The following DCDC1 variants were observed in gnomAD, a reference collection of about 807,000 sequenced individuals.
DCDC1 encodes doublecortin domain-containing protein 1.
A neutral mutation model predicts 178.3 loss-of-function variants in DCDC1; 200 were observed. The observed-to-expected ratio is 1.12, with a 90% CI of 1.00 to 1.26. The LOEUF is 1.26. DCDC1 is among the 50% of genes most tolerant of loss of function. The pLI is 0.00. For synonymous variants in DCDC1, 690 were observed against 604.8 expected (o/e 1.14, Z -2.07); for missense variants, 1,983 against 1,749.2 (o/e 1.13, Z -2.38).
intron 9 of DCDC1, among the ~76,000 whole-genome samples, chr11:31,241,038 T>C (rs1478469318): frequency 6.6e-6 from 1 of 152,004 alleles, no homozygotes; most frequent in African/African-American, 2.4e-5. Flanking sequence ...CACGATTTCA[T>C]TTTTCAGAAT....
intron 20 of DCDC1, among the ~76,000 whole-genome samples, chr11:31,062,235 C>T (rs867476099): frequency 6.6e-6 from 1 of 152,100 alleles, no homozygotes; most frequent in African/African-American, 2.4e-5. Flanking sequence ...TAATGACAAG[C>T]GCCAGCTTTC....
chr11:31,235,049 C>T (rs1430586916), intron 9 of DCDC1, among the ~76,000 whole-genome samples: 2 of 152,098 alleles, frequency 1.3e-5, no homozygotes, highest in Non-Finnish European at 2.9e-5. Flanking sequence ...TGCAATATTT[C>T]TACCCAATAT....
rs1360682829 is a variant in DCDC1 at position 30,982,456 on chromosome 11, ACACTC to A, written c.2592-29893_2592-29889del. 7.9e-3 allele frequency among the ~76,000 whole-genome samples: 1,197 copies of A among 152,280 alleles called. 7 individuals are homozygous for A. The highest frequency in any genetic ancestry group is 0.018 in the South Asian group (86 of 4,816). On this transcript the variant is annotated intron_variant, in intron 20 of 38. Transcript: ENST00000684477. ...AGCATTTGTTTCAAAATTAATAGCA[ACACTC>A]TTTTGTTTCATTTTATGTAGCATTA...
intron 36 of DCDC1, among the ~76,000 whole-genome samples, chr11:30,885,512 A>G (rs1399916306): frequency 6.6e-6 from 1 of 152,066 alleles, no homozygotes; most frequent in East Asian, 1.9e-4. Flanking sequence ...AAATATATAT[A>G]ATAGAAAAAC....
chr11:31,273,417 A>T (rs1945730945), intron 7 of DCDC1, among the ~76,000 whole-genome samples: 1 of 152,164 alleles, frequency 6.6e-6, no homozygotes, highest in Admixed American at 6.5e-5. Context: ...AAAGTTCCAC[A>T]AATCTCTAGG....
At chr11:31,173,450 A>G (rs1350690089) in intron 9 of DCDC1, among the ~76,000 whole-genome samples, 3 of 152,208 alleles carry the variant, frequency 2.0e-5, no homozygotes, top group Non-Finnish European at 2.9e-5. Context: ...GTTCTCCAAC[A>G]CTTATTTCAG....
chr11:31,031,168 T>C (rs1040990185), intron 20 of DCDC1, among the ~76,000 whole-genome samples: 1 of 152,212 alleles, frequency 6.6e-6, no homozygotes, highest in Non-Finnish European at 1.5e-5. Flanking sequence ...AAGGATTACA[T>C]GAAAGGCTTA....
intron 18 of DCDC1, among the ~76,000 whole-genome samples, chr11:31,073,808 C>T (rs1333368355): frequency 6.6e-6 from 1 of 152,136 alleles, no homozygotes; most frequent in Non-Finnish European, 1.5e-5. Context: ...ATAGTTTGGG[C>T]TGGGTTAATA....
chr11:30,990,237 C>G (rs1950899009), intron 20 of DCDC1, among the ~76,000 whole-genome samples: 1 of 151,994 alleles, frequency 6.6e-6, no homozygotes, highest in Non-Finnish European at 1.5e-5. Context: ...CATTTGGTAC[C>G]TTAAGAGAGA....
chr11:31,001,567 C>A (rs113395337), intron 20 of DCDC1, among the ~76,000 whole-genome samples: 3,281 of 152,264 alleles, frequency 0.022, 56 homozygotes, highest in Non-Finnish European at 0.033. Context: ...CTCCACTCAA[C>A]AAGCAGGTAG....
Position 31,098,597 on chromosome 11 carries a change from C to T in DCDC1, c.1983+3580G>A, listed in dbSNP as rs527427740. Among the ~76,000 whole-genome samples, 25 of 152,284 alleles carry T rather than the reference C, an allele frequency of 1.6e-4. 1 individual carries two copies. The South Asian group carries it at 4.8e-3, about 29-fold the overall frequency. On this transcript the variant is annotated intron_variant, in intron 15 of 38. Coordinates refer to ENST00000684477, the MANE Select transcript of DCDC1 (RefSeq NM_001387274.1). ...ATGCATCAAGAATATCGGCTTTTGC[C>T]TCCCTTCTCTCAACCCCTGTTGTAA...
intron 9 of DCDC1, among the ~76,000 whole-genome samples, chr11:31,228,888 G>T (rs774553018): frequency 2.0e-5 from 3 of 151,958 alleles, no homozygotes; most frequent in Non-Finnish European, 2.9e-5. Context: ...ATAGGAACAT[G>T]GAGGAATACT....
intron 12 of DCDC1, among the ~76,000 whole-genome samples, chr11:31,108,673 G>C (rs1221502798): frequency 6.6e-6 from 1 of 152,180 alleles, no homozygotes; most frequent in Non-Finnish European, 1.5e-5. Context: ...ACTTTCACAG[G>C]AGTTGCATTG....
Position 30,899,577 on chromosome 11 carries a change from G to C in DCDC1, c.4729C>G (p.Leu1577Val), listed in dbSNP as rs370461790. 41 of 1,586,832 alleles carry C rather than the reference G, an allele frequency of 2.6e-5. No homozygotes were observed. The African/African-American group carries it at 4.8e-4, about 19-fold the overall frequency. Residue 1577 changes from leucine to valine, a missense_variant, in exon 34 of 39, where the codon CTA (leucine) becomes GTA (valine). Coordinates refer to ENST00000684477, the MANE Select transcript of DCDC1 (RefSeq NM_001387274.1). ...CTCATTTTGTGTCTCATGGTATCTAGATCAGCCAAAATTCTGTCCTTTTTT... is the reference window on the plus strand; with the variant it reads ...CTCATTTTGTGTCTCATGGTATCTACATCAGCCAAAATTCTGTCCTTTTTT... ...WLKKDRILAD[L>V]DTMRHKMRQL...
At chr11:31,025,248 C>T (rs914617846) in intron 20 of DCDC1, among the ~76,000 whole-genome samples, 2 of 151,450 alleles carry the variant, frequency 1.3e-5, no homozygotes, top group Non-Finnish European at 3.0e-5. Context: ...ATAACCTTTC[C>T]CAAAACAGAG....
intron 14 of DCDC1, 85 bp from the exon 15 acceptor site, chr11:31,102,367 CT>C: frequency 1.9e-6 from 1 of 534,330 alleles, no homozygotes; most frequent in South Asian, 2.8e-5. Flanking sequence ...TTATAATACT[CT>C]TTATGCTTTA....
At chr11:30,988,816 G>A (rs1273437358) in intron 20 of DCDC1, among the ~76,000 whole-genome samples, 1 of 152,208 alleles carries the variant, frequency 6.6e-6, no homozygotes, top group Non-Finnish European at 1.5e-5. Context: ...TGGCCCATGG[G>A]CCATGGGTTG....
intron 3 of DCDC1, among the ~76,000 whole-genome samples, chr11:31,311,268 G>A (rs1027819313): frequency 1.1e-4 from 17 of 152,066 alleles, no homozygotes; most frequent in African/African-American, 1.9e-4. Context: ...ACCTAGCAAC[G>A]GCCCAGCTGG....
At chr11:31,157,092 G>GT (rs1965781575) in intron 9 of DCDC1, among the ~76,000 whole-genome samples, 1 of 151,810 alleles carries the variant, frequency 6.6e-6, no homozygotes, top group South Asian at 2.1e-4. Flanking sequence ...TAAAAGTGTT[G>GT]TAACCGGCCA....
Sources: gnomAD v4.1 joint callset for allele counts (sites outside exome capture counted in the v4.1 genomes callset) on GRCh38, gnomAD v4.1.1 for gene constraint, MANE v1.5 for transcripts, NCBI Gene and HGNC (gene_info 2026-07-23, HGNC 2026-07-21) for gene names.